CFAP95: variants seen among roughly 807,000 people sequenced by gnomAD.
CFAP95 encodes cilia and flagella associated protein 95.
At chr9:69,876,252 G>C in the CFAP95 span, among the ~76,000 whole-genome samples, 1 of 152,114 alleles carries the variant, frequency 6.6e-6, no homozygotes, top group East Asian at 1.9e-4. Context: ...AGTTTTAAAG[G>C]CTGGGCACAG....
the CFAP95 span, among the ~76,000 whole-genome samples, chr9:69,836,692 T>TC: frequency 3.3e-5 from 5 of 149,564 alleles, no homozygotes; most frequent in Admixed American, 2.0e-4. Flanking sequence ...TCAATTTCTT[T>TC]TTTTTTTTTT....
At chr9:69,861,927 C>T in the CFAP95 span, among the ~76,000 whole-genome samples, 1 of 152,074 alleles carries the variant, frequency 6.6e-6, no homozygotes, top group Non-Finnish European at 1.5e-5. Context: ...ACTGCCACTC[C>T]ACTCCCCATA....
the CFAP95 span, among the ~76,000 whole-genome samples, chr9:69,898,650 T>C: frequency 6.6e-5 from 10 of 152,308 alleles, no homozygotes; most frequent in Non-Finnish European, 1.3e-4. Flanking sequence ...GGAAAATTGA[T>C]ACAGTGCAAT....
At chr9:69,867,445 T>C in the CFAP95 span, among the ~76,000 whole-genome samples, 1 of 152,164 alleles carries the variant, frequency 6.6e-6, no homozygotes, top group African/African-American at 2.4e-5. Flanking sequence ...GTGTGCTCAG[T>C]GAGGCCCTAA....
the CFAP95 span, among the ~76,000 whole-genome samples, chr9:69,836,959 C>A: frequency 6.7e-6 from 1 of 150,048 alleles, no homozygotes; most frequent in Admixed American, 6.7e-5. Context: ...CAATTCCCAC[C>A]TATGAGTGAG....
chr9:69,851,159 T>C, the CFAP95 span, among the ~76,000 whole-genome samples: 1 of 152,208 alleles, frequency 6.6e-6, no homozygotes, highest in East Asian at 1.9e-4. Flanking sequence ...GTAACTGTTA[T>C]GTTGAACAAA....
chr9:69,872,589 G>A, the CFAP95 span, among the ~76,000 whole-genome samples: 1 of 152,116 alleles, frequency 6.6e-6, no homozygotes, highest in Non-Finnish European at 1.5e-5. Flanking sequence ...CTTAACAAGT[G>A]CTGGGCTTGG....
the CFAP95 span, among the ~76,000 whole-genome samples, chr9:69,864,484 T>G: frequency 1.3e-5 from 2 of 152,176 alleles, no homozygotes; most frequent in African/African-American, 4.8e-5. Context: ...TTGTTTCCAT[T>G]TGGAAAATGA....
the CFAP95 span, among the ~76,000 whole-genome samples, chr9:69,834,756 G>A: frequency 6.6e-6 from 1 of 152,196 alleles, no homozygotes; most frequent in Non-Finnish European, 1.5e-5. Flanking sequence ...CCTTTTGAGT[G>A]CAGTTAAGTT....
the CFAP95 span, among the ~76,000 whole-genome samples, chr9:69,837,862 T>C: frequency 6.6e-6 from 1 of 152,218 alleles, no homozygotes; most frequent in Non-Finnish European, 1.5e-5. Context: ...TTCATGGTTT[T>C]AGGTCTAACG....
chr9:69,888,696 C>T, the CFAP95 span, among the ~76,000 whole-genome samples: 5 of 151,978 alleles, frequency 3.3e-5, no homozygotes, highest in South Asian at 2.1e-4. Context: ...GCCAATGTGG[C>T]GAAACCTTGT....
At chr9:69,891,911 T>C in the CFAP95 span, among the ~76,000 whole-genome samples, 73 of 152,298 alleles carry the variant, frequency 4.8e-4, no homozygotes, top group African/African-American at 1.7e-3. Context: ...GAAGCACTCT[T>C]GGACTTCTAT....
chr9:69,849,211 T>G, the CFAP95 span, among the ~76,000 whole-genome samples: 3 of 152,206 alleles, frequency 2.0e-5, no homozygotes, highest in South Asian at 2.1e-4. Context: ...GAGTTTGGTC[T>G]ATTTTGTTCC....
chr9:69,886,968 C>T, the CFAP95 span: 8 of 1,205,696 alleles, frequency 6.6e-6, no homozygotes, highest in Non-Finnish European at 8.4e-6. Flanking sequence ...TATAGTCAAA[C>T]TTGGGAAGAA....
At chr9:69,844,484 C>A in the CFAP95 span, 113 of 1,386,596 alleles carry the variant, frequency 8.1e-5, no homozygotes, top group Non-Finnish European at 1.1e-4. Flanking sequence ...AAATAAACTA[C>A]ATCTCTTAAC....
the CFAP95 span, among the ~76,000 whole-genome samples, chr9:69,830,842 A>G: frequency 6.6e-6 from 1 of 152,042 alleles, no homozygotes; most frequent in Non-Finnish European, 1.5e-5. Flanking sequence ...TTTCTTTGGT[A>G]GAGTTGACAG....
chr9:69,841,176 A>G, the CFAP95 span, among the ~76,000 whole-genome samples: 1 of 122,440 alleles, frequency 8.2e-6, no homozygotes, highest in Non-Finnish European at 1.8e-5. Flanking sequence ...ATATATATAT[A>G]TATATATATA....
chr9:69,822,875 A>T, the CFAP95 span, among the ~76,000 whole-genome samples: 2 of 152,202 alleles, frequency 1.3e-5, no homozygotes, highest in African/African-American at 4.8e-5. Context: ...ATTCAACCCA[A>T]CATACATTTG....
the CFAP95 span, among the ~76,000 whole-genome samples, chr9:69,889,548 C>G: frequency 1.3e-5 from 2 of 152,284 alleles, no homozygotes; most frequent in East Asian, 3.9e-4. Flanking sequence ...CTCAGCCAAT[C>G]TTTTCAGTTC....
Sources: gnomAD v4.1 joint callset for allele counts (sites outside exome capture counted in the v4.1 genomes callset) on GRCh38, gnomAD v4.1.1 for gene constraint, MANE v1.5 for transcripts, NCBI Gene and HGNC (gene_info 2026-07-23, HGNC 2026-07-21) for gene names.